The following CTNNA2 variants were observed in gnomAD, a reference collection of about 807,000 sequenced individuals.
The protein encoded by CTNNA2 is catenin alpha-2.
In CTNNA2, 42 loss-of-function variants were observed where a neutral mutation model predicts 101.0. The observed-to-expected ratio is 0.42, with a 90% CI of 0.32 to 0.54. The LOEUF (loss-of-function observed/expected upper bound fraction) is 0.54. CTNNA2 is among the 20% of genes least tolerant of loss of function. The pLI is 0.14. For missense variants in CTNNA2, 871 were observed against 1,223.1 expected, an observed-to-expected ratio of 0.71 and a Z score of 4.29; for synonymous variants, 450 against 456.4, an observed-to-expected ratio of 0.99 and a Z score of 0.18.
intron 2 of CTNNA2, among the ~76,000 whole-genome samples, chr2:79,213,972 T>C (rs1032330038): frequency 2.0e-5 from 3 of 152,154 alleles, no homozygotes; most frequent in Non-Finnish European, 4.4e-5. Context: ...AAGGTCAAGT[T>C]GTTTGGACAG....
intron 7 of CTNNA2, among the ~76,000 whole-genome samples, chr2:80,255,903 C>G (rs934041628): frequency 1.3e-5 from 2 of 152,166 alleles, no homozygotes; most frequent in African/African-American, 4.8e-5. Context: ...TAGGACTGCA[C>G]CTTCCTGCCA....
chr2:79,662,799 T>C (rs1389848294), intron 2 of CTNNA2, among the ~76,000 whole-genome samples: 2 of 152,190 alleles, frequency 1.3e-5, no homozygotes, highest in African/African-American at 2.4e-5. Context: ...TAACCAGTGA[T>C]TTTTCTTTCA....
At chr2:79,877,886 T>C (rs1166173511) in intron 6 of CTNNA2, among the ~76,000 whole-genome samples, 1 of 152,186 alleles carries the variant, frequency 6.6e-6, no homozygotes, top group Non-Finnish European at 1.5e-5. Context: ...ACGTGCAAAA[T>C]GTGCAGGTTT....
At chr2:79,613,175 A>AC (rs1207623554) in intron 1 of CTNNA2, among the ~76,000 whole-genome samples, 1 of 151,484 alleles carries the variant, frequency 6.6e-6, no homozygotes, top group Non-Finnish European at 1.5e-5. Context: ...CAAAAAAAAA[A>AC]AACGATGTTT....
At chr2:79,291,289 CAT>C (rs1334492598) in intron 2 of CTNNA2, among the ~76,000 whole-genome samples, 2 of 152,176 alleles carry the variant, frequency 1.3e-5, no homozygotes, top group Non-Finnish European at 2.9e-5. Context: ...GTACAGCTGT[CAT>C]AACAAATGAG....
intron 7 of CTNNA2, among the ~76,000 whole-genome samples, chr2:80,254,629 G>A (rs371567094): frequency 2.0e-5 from 3 of 152,038 alleles, no homozygotes; most frequent in Non-Finnish European, 2.9e-5. Context: ...ATAGCTGGTC[G>A]TTTTGATATA....
At chr2:80,461,205 A>G (rs1209933198) in intron 9 of CTNNA2, among the ~76,000 whole-genome samples, 2 of 152,156 alleles carry the variant, frequency 1.3e-5, no homozygotes, top group Admixed American at 6.6e-5. Context: ...TTTAGTAAGA[A>G]CCACCCACCC....
chr2:80,274,615 T>G (rs1389448486), intron 7 of CTNNA2, among the ~76,000 whole-genome samples: 1 of 152,236 alleles, frequency 6.6e-6, no homozygotes, highest in African/African-American at 2.4e-5. Flanking sequence ...AGCTTCTCAA[T>G]TAGCATTTTT....
intron 15 of CTNNA2, among the ~76,000 whole-genome samples, chr2:80,596,257 T>C (rs1213246188): frequency 6.8e-6 from 1 of 147,760 alleles, no homozygotes; most frequent in Non-Finnish European, 1.5e-5. Flanking sequence ...CTTAAGGAGT[T>C]TTTTTGGGCT....
At chr2:80,424,350 TAGACATGTTTA>T (rs1211064218) in intron 9 of CTNNA2, among the ~76,000 whole-genome samples, 1 of 152,240 alleles carries the variant, frequency 6.6e-6, no homozygotes, top group Non-Finnish European at 1.5e-5. Context: ...TTATTGAATT[TAGACATGTTTA>T]AGTGAACTAT....
intron 1 of CTNNA2, among the ~76,000 whole-genome samples, chr2:79,609,206 ACT>A (rs1403103476): frequency 2.6e-5 from 4 of 151,930 alleles, no homozygotes; most frequent in Non-Finnish European, 5.9e-5. Flanking sequence ...AAACAAATAA[ACT>A]CTGTTTATAG....
intron 3 of CTNNA2, among the ~76,000 whole-genome samples, chr2:79,810,919 G>C (rs912169156): frequency 6.6e-6 from 1 of 151,514 alleles, no homozygotes; most frequent in Non-Finnish European, 1.5e-5. Context: ...TCTTAATCCA[G>C]TCTATCATTG....
chr2:80,587,615 C>T (rs1020886360), intron 14 of CTNNA2, among the ~76,000 whole-genome samples: 1 of 152,174 alleles, frequency 6.6e-6, no homozygotes, highest in Non-Finnish European at 1.5e-5. Flanking sequence ...CTTCTGAGCT[C>T]ACATTGCCTG....
At chr2:79,203,415 T>C (rs1298422456) in intron 2 of CTNNA2, among the ~76,000 whole-genome samples, 2 of 151,976 alleles carry the variant, frequency 1.3e-5, no homozygotes, top group South Asian at 2.1e-4. Context: ...AGCACAAACA[T>C]ATAGAGTCAA....
At chr2:80,388,792 T>G (rs138483206) in intron 7 of CTNNA2, among the ~76,000 whole-genome samples, 93 of 152,362 alleles carry the variant, frequency 6.1e-4, no homozygotes, top group African/African-American at 2.2e-3. Flanking sequence ...TGTTAAAGTA[T>G]GCTTAATTTG....
At chr2:79,462,035 A>G (rs1573176885) in intron 4 of CTNNA2, among the ~76,000 whole-genome samples, 2 of 152,166 alleles carry the variant, frequency 1.3e-5, no homozygotes, top group East Asian at 3.9e-4. Context: ...AAATTTATTA[A>G]TTTCAGTGAT....
At chr2:80,134,832 G>T (rs1702604571) in intron 7 of CTNNA2, among the ~76,000 whole-genome samples, 1 of 152,140 alleles carries the variant, frequency 6.6e-6, no homozygotes, top group South Asian at 2.1e-4. Context: ...TTTTCCATTT[G>T]CACAATTTTA....
chr2:80,597,404 A>C (rs1249475428), intron 15 of CTNNA2, among the ~76,000 whole-genome samples: 1 of 152,200 alleles, frequency 6.6e-6, no homozygotes, highest in African/African-American at 2.4e-5. Context: ...CATTCAGGAC[A>C]TAGGCGTGGG....
intron 1 of CTNNA2, among the ~76,000 whole-genome samples, chr2:79,591,263 G>T (rs1305260066): frequency 6.6e-6 from 1 of 152,110 alleles, no homozygotes; most frequent in Non-Finnish European, 1.5e-5. Flanking sequence ...ATATTATTTA[G>T]GAAAGGCTGT....
Sources: allele counts gnomAD v4.1 joint callset (sites outside exome capture counted in the v4.1 genomes callset), GRCh38; gene constraint gnomAD v4.1.1; transcripts MANE v1.5; gene names NCBI Gene and HGNC (gene_info 2026-07-23, HGNC 2026-07-21).